Variants in CLEC16A observed in about 807,000 individuals in gnomAD.
The protein encoded by CLEC16A is protein CLEC16A.
CLEC16A carries 51 observed loss-of-function variants against 109.5 expected under a neutral mutation model. The observed-to-expected ratio is 0.47, with a 90% CI of 0.37 to 0.59. The LOEUF is 0.59. Ranked by LOEUF, CLEC16A falls within the 20% of genes least tolerant of loss-of-function variation. The pLI, the probability that CLEC16A is intolerant of heterozygous loss-of-function variation, is 0.00. For synonymous variants in CLEC16A, 673 were observed against 564.2 expected (o/e 1.19, Z -2.73); for missense variants, 1,339 against 1,394.0 (o/e 0.96, Z 0.63).
chr16:11,092,857 T>C (rs2050390871), intron 19 of CLEC16A, among the ~76,000 whole-genome samples: 1 of 152,222 alleles, frequency 6.6e-6, no homozygotes, highest in African/African-American at 2.4e-5. Flanking sequence ...TTAAATATAC[T>C]AACAAGCGTT....
intron 22 of CLEC16A, chr16:11,136,291 G>A (rs1347458575): frequency 6.6e-6 from 1 of 152,196 alleles, no homozygotes; most frequent in African/African-American, 2.4e-5. Flanking sequence ...TCTTACTAAT[G>A]GCTCAGATGG....
chr16:11,013,134 A>G (rs919737190), intron 11 of CLEC16A, among the ~76,000 whole-genome samples: 2 of 152,230 alleles, frequency 1.3e-5, no homozygotes, highest in African/African-American at 4.8e-5. Flanking sequence ...ACATGGCGAG[A>G]ACATGCAGAC....
At chr16:11,004,142 C>T (rs886765591) in intron 11 of CLEC16A, among the ~76,000 whole-genome samples, 2 of 152,008 alleles carry the variant, frequency 1.3e-5, no homozygotes, top group Non-Finnish European at 2.9e-5. Flanking sequence ...TCCTTTTGCC[C>T]TTTTTGGGAA....
Position 11,080,461 on chromosome 16 carries a change from C to G in CLEC16A, c.2116+19439C>G, listed in dbSNP as rs377731691. Among the ~76,000 whole-genome samples, 18 of 152,332 alleles carry G rather than the reference C, an allele frequency of 1.2e-4. No individual in the cohort carries two copies. In the East Asian group the frequency reaches 3.1e-3, roughly 26 times the overall value. On this transcript the variant is annotated intron_variant, in intron 19 of 23. Coordinates refer to ENST00000409790, the MANE Select transcript of CLEC16A (RefSeq NM_015226.3). ...AGGGCCTTCCAGGCAGAGGGGGCATCTGCAGTGAAGACACACAGGTATGTT... is the reference window on the plus strand; with the variant it reads ...AGGGCCTTCCAGGCAGAGGGGGCATGTGCAGTGAAGACACACAGGTATGTT...
At chr16:11,146,173 G>A (rs964964197) in intron 22 of CLEC16A, among the ~76,000 whole-genome samples, 5 of 152,066 alleles carry the variant, frequency 3.3e-5, no homozygotes, top group Non-Finnish European at 5.9e-5. Flanking sequence ...CTATATAGTG[G>A]CAACCCTGTC....
chr16:11,015,515 A>G (rs1254842197), intron 11 of CLEC16A, among the ~76,000 whole-genome samples: 2 of 152,194 alleles, frequency 1.3e-5, no homozygotes, highest in East Asian at 3.8e-4. Context: ...GGAGTGCACG[A>G]GGGAGCCCAC....
At chr16:11,032,276 T>C (rs1175295144) in intron 13 of CLEC16A, among the ~76,000 whole-genome samples, 1 of 152,214 alleles carries the variant, frequency 6.6e-6, no homozygotes, top group Non-Finnish European at 1.5e-5. Context: ...GGAGCCAGTC[T>C]GCAGGGGGTG....
At chr16:10,973,958 G>C (rs549862563) in intron 7 of CLEC16A, among the ~76,000 whole-genome samples, 100 of 132,962 alleles carry the variant, frequency 7.5e-4, no homozygotes, top group African/African-American at 2.7e-3. Flanking sequence ...GGAGTGCAGT[G>C]GTGCAATCTT....
At chr16:11,087,979 C>T (rs1339567132) in intron 19 of CLEC16A, among the ~76,000 whole-genome samples, 1 of 152,244 alleles carries the variant, frequency 6.6e-6, no homozygotes, top group Non-Finnish European at 1.5e-5. Context: ...AGTCTGAGAG[C>T]CTTTGAAGCC....
intron 11 of CLEC16A, among the ~76,000 whole-genome samples, chr16:11,019,744 G>C (rs941382525): frequency 6.6e-6 from 1 of 150,766 alleles, no homozygotes; most frequent in Non-Finnish European, 1.5e-5. Flanking sequence ...CCTCCAGCCT[G>C]GGTGACAAGA....
chr16:11,065,345 G>C (rs1283334201), intron 19 of CLEC16A, among the ~76,000 whole-genome samples: 1 of 152,192 alleles, frequency 6.6e-6, no homozygotes, highest in Non-Finnish European at 1.5e-5. Context: ...CTGTTCATGT[G>C]GGCACCTAAC....
At chr16:10,958,795 T>G (rs145993976) in intron 2 of CLEC16A, among the ~76,000 whole-genome samples, 2 of 152,034 alleles carry the variant, frequency 1.3e-5, no homozygotes, top group Non-Finnish European at 2.9e-5. Context: ...TCCCAGCTAC[T>G]CAGAAGGTTG....
At chr16:11,028,147 C>G (rs2046527894) in intron 13 of CLEC16A, among the ~76,000 whole-genome samples, 1 of 152,216 alleles carries the variant, frequency 6.6e-6, no homozygotes. Context: ...TTGCAGTGAG[C>G]TGAGATCACG....
intron 18 of CLEC16A, among the ~76,000 whole-genome samples, chr16:11,051,860 A>C (rs902453965): frequency 9.9e-5 from 15 of 152,230 alleles, no homozygotes; most frequent in South Asian, 2.1e-4. Flanking sequence ...TCTGGCACCC[A>C]GTGTTGGCTG....
At chr16:11,173,836 C>A (rs114111039) in intron 23 of CLEC16A, among the ~76,000 whole-genome samples, 150 of 152,292 alleles carry the variant, frequency 9.8e-4, no homozygotes, top group African/African-American at 3.4e-3. Context: ...CCAGATGTTG[C>A]GGATGAACCC....
intron 23 of CLEC16A, among the ~76,000 whole-genome samples, chr16:11,176,622 C>T (rs2068757039): frequency 6.6e-6 from 1 of 152,162 alleles, no homozygotes; most frequent in Admixed American, 6.5e-5. Context: ...CCTGTAGTCC[C>T]AGCTACTCAG....
intron 1 of CLEC16A, among the ~76,000 whole-genome samples, chr16:10,956,678 C>T (rs1288359642): frequency 6.6e-6 from 1 of 152,196 alleles, no homozygotes; most frequent in Non-Finnish European, 1.5e-5. Context: ...CTTTTGGTCT[C>T]CCCCACCAGC....
At chr16:10,969,425 A>G in intron 4 of CLEC16A, 116 bp downstream of exon 4, 3 of 678,014 alleles carry the variant, frequency 4.4e-6, no homozygotes, top group South Asian at 5.0e-5. Flanking sequence ...CAAAGCTCTT[A>G]TATGCTTGTT....
intron 18 of CLEC16A, among the ~76,000 whole-genome samples, chr16:11,058,882 C>G (rs2048343128): frequency 6.6e-6 from 1 of 152,172 alleles, no homozygotes; most frequent in Non-Finnish European, 1.5e-5. Context: ...TGACTTGGAC[C>G]TGGCTGTGAT....
Sources: gnomAD v4.1 joint callset for allele counts (sites outside exome capture counted in the v4.1 genomes callset) on GRCh38, gnomAD v4.1.1 for gene constraint, MANE v1.5 for transcripts, NCBI Gene and HGNC (gene_info 2026-07-23, HGNC 2026-07-21) for gene names.